AUTS2: variants seen among roughly 807,000 people sequenced by gnomAD.
AUTS2 encodes autism susceptibility gene 2 protein.
A neutral mutation model predicts 112.4 loss-of-function variants in AUTS2; 17 were observed. The observed-to-expected ratio is 0.15, with a 90% CI of 0.10 to 0.23. The LOEUF (loss-of-function observed/expected upper bound fraction) is 0.23. Among genes scored for constraint, AUTS2 ranks in the 10% least tolerant of loss-of-function variants. The pLI is 1.00. For synonymous variants in AUTS2, 751 were observed against 702.7 expected (o/e 1.07, Z -1.09); for missense variants, 1,510 against 1,701.6 (o/e 0.89, Z 1.98).
At chr7:69,811,565 T>G (rs1276221876) in intron 1 of AUTS2, among the ~76,000 whole-genome samples, 1 of 152,186 alleles carries the variant, frequency 6.6e-6, no homozygotes, top group Non-Finnish European at 1.5e-5. Flanking sequence ...TCCTCCAGAC[T>G]CAAGGCCCTT....
At chr7:69,718,772 G>A (rs970860461) in intron 1 of AUTS2, among the ~76,000 whole-genome samples, 27 of 152,004 alleles carry the variant, frequency 1.8e-4, no homozygotes, top group Admixed American at 1.7e-3. Context: ...TTACAGTAGG[G>A]TGGACTTTCC....
chr7:70,050,598 T>A (rs1025557163), intron 2 of AUTS2, among the ~76,000 whole-genome samples: 1 of 152,090 alleles, frequency 6.6e-6, no homozygotes, highest in Non-Finnish European at 1.5e-5. Context: ...GGCATATGGA[T>A]ATTAAATATC....
At chr7:70,432,577 CTG>C (rs2130832696) in intron 4 of AUTS2, among the ~76,000 whole-genome samples, 1 of 152,312 alleles carries the variant, frequency 6.6e-6, no homozygotes, top group East Asian at 1.9e-4. Context: ...CGCTTTCCGT[CTG>C]GGGTTGTCAA....
intron 11 of AUTS2, among the ~76,000 whole-genome samples, chr7:70,773,700 C>A (rs780014632): frequency 1.6e-4 from 25 of 152,362 alleles, no homozygotes; most frequent in Non-Finnish European, 2.5e-4. Flanking sequence ...CAGTGGCAGT[C>A]CCTGCCATGG....
chr7:69,768,429 G>A (rs1259467004), intron 1 of AUTS2, among the ~76,000 whole-genome samples: 1 of 152,192 alleles, frequency 6.6e-6, no homozygotes, highest in Non-Finnish European at 1.5e-5. Flanking sequence ...GAGGTTACCT[G>A]CTCAGTTCAA....
At chr7:70,675,625 T>G (rs985326942) in intron 5 of AUTS2, among the ~76,000 whole-genome samples, 2 of 152,200 alleles carry the variant, frequency 1.3e-5, no homozygotes, top group Non-Finnish European at 2.9e-5. Flanking sequence ...GAGAAGCAGT[T>G]TGTCTCTGCT....
At chr7:70,048,841 G>A (rs998544957) in intron 2 of AUTS2, among the ~76,000 whole-genome samples, 2 of 152,186 alleles carry the variant, frequency 1.3e-5, no homozygotes, top group Admixed American at 1.3e-4. Context: ...TCCATAGTCT[G>A]ACCACCCAGT....
At chr7:70,355,002 GTGTGTGTATGTA>G (rs1791932070) in intron 4 of AUTS2, among the ~76,000 whole-genome samples, 2 of 151,096 alleles carry the variant, frequency 1.3e-5, no homozygotes, top group African/African-American at 4.9e-5. Flanking sequence ...GTGTATGGGT[GTGTGTGTATGTA>G]TGTGTGTGTG....
chr7:70,082,942 G>A (rs1176686184), intron 2 of AUTS2, among the ~76,000 whole-genome samples: 1 of 152,114 alleles, frequency 6.6e-6, no homozygotes, highest in Non-Finnish European at 1.5e-5. Context: ...TGTGTGACTT[G>A]GTGCTAGGGA....
intron 2 of AUTS2, among the ~76,000 whole-genome samples, chr7:69,969,510 C>G (rs1232502491): frequency 2.6e-5 from 4 of 152,140 alleles, no homozygotes; most frequent in African/African-American, 2.4e-5. Context: ...CTCAGTGATT[C>G]TCTGCAGAAC....
At chr7:70,563,709 G>A (rs1801585846) in intron 5 of AUTS2, among the ~76,000 whole-genome samples, 1 of 152,202 alleles carries the variant, frequency 6.6e-6, no homozygotes. Context: ...GAGAAAAGCG[G>A]TGGAAATTGA....
chr7:69,910,720 C>A (rs903516202), intron 2 of AUTS2, among the ~76,000 whole-genome samples: 3 of 152,158 alleles, frequency 2.0e-5, no homozygotes, highest in African/African-American at 7.2e-5. Context: ...CCTCTGCCTC[C>A]TGGTTTAAGC....
At chr7:69,676,755 A>C (rs1051013816) in intron 1 of AUTS2, among the ~76,000 whole-genome samples, 1 of 151,830 alleles carries the variant, frequency 6.6e-6, no homozygotes, top group Non-Finnish European at 1.5e-5. Flanking sequence ...TTTTCAGTGG[A>C]TAGGCTCCCT....
At chr7:69,914,028 C>T (rs747509235) in intron 2 of AUTS2, among the ~76,000 whole-genome samples, 2 of 152,142 alleles carry the variant, frequency 1.3e-5, no homozygotes, top group African/African-American at 2.4e-5. Context: ...TTATTTAACT[C>T]AGGATCTGCC....
intron 2 of AUTS2, among the ~76,000 whole-genome samples, chr7:70,076,641 T>G (rs1246098034): frequency 6.6e-6 from 1 of 152,190 alleles, no homozygotes; most frequent in African/African-American, 2.4e-5. Context: ...GGAATTGACT[T>G]GTGGATCAAA....
intron 2 of AUTS2, among the ~76,000 whole-genome samples, chr7:70,005,404 T>C (rs1799502492): frequency 6.6e-6 from 1 of 152,160 alleles, no homozygotes; most frequent in African/African-American, 2.4e-5. Context: ...GTCTGGCATG[T>C]AGTAGTGATT....
chr7:70,164,200 CTGT>C (rs1402236050), intron 4 of AUTS2, among the ~76,000 whole-genome samples: 2 of 151,994 alleles, frequency 1.3e-5, no homozygotes, highest in African/African-American at 4.8e-5. Flanking sequence ...CTAGTTTTCC[CTGT>C]TGTTACATCT....
chr7:70,655,122 C>T (rs1425547195), intron 5 of AUTS2, among the ~76,000 whole-genome samples: 2 of 152,214 alleles, frequency 1.3e-5, no homozygotes, highest in African/African-American at 2.4e-5. Context: ...GCCCATTGCT[C>T]TTGGGACATC....
chr7:70,689,603 C>T (rs575857636), intron 5 of AUTS2, among the ~76,000 whole-genome samples: 80 of 151,820 alleles, frequency 5.3e-4, no homozygotes, highest in African/African-American at 1.8e-3. Flanking sequence ...AGTGAAACCC[C>T]GTCTCTACTA....
Sources: allele counts gnomAD v4.1 joint callset (sites outside exome capture counted in the v4.1 genomes callset), GRCh38; gene constraint gnomAD v4.1.1; transcripts MANE v1.5; gene names NCBI Gene and HGNC (gene_info 2026-07-23, HGNC 2026-07-21).